CREB5: variants seen among roughly 807,000 people sequenced by gnomAD.
CREB5 encodes the protein cAMP responsive element binding protein 5, also known as cyclic AMP-responsive element-binding protein 5.
In CREB5, 19 loss-of-function variants were observed where a neutral mutation model predicts 57.1. The observed-to-expected ratio is 0.33, with a 90% CI of 0.23 to 0.49. CREB5 has a LOEUF of 0.49. CREB5 is among the 20% of genes least tolerant of loss of function. CREB5 has a pLI of 0.99. For synonymous variants in CREB5, 238 were observed against 238.3 expected (o/e 1.00, Z 0.01); for missense variants, 579 against 671.6 (o/e 0.86, Z 1.52).
chr7:28,622,229 A>T (rs1224845272), intron 5 of CREB5, among the ~76,000 whole-genome samples: 1 of 150,270 alleles, frequency 6.7e-6, no homozygotes, highest in Non-Finnish European at 1.5e-5. Flanking sequence ...GAATTCTTAC[A>T]CATATACACA....
chr7:28,704,527 T>G (rs1802012698), intron 5 of CREB5, among the ~76,000 whole-genome samples: 1 of 152,070 alleles, frequency 6.6e-6, no homozygotes, highest in South Asian at 2.1e-4. Flanking sequence ...GACACGATCA[T>G]AGCTCACTGT....
At chr7:28,739,110 G>A (rs907730472) in intron 7 of CREB5, among the ~76,000 whole-genome samples, 3 of 152,212 alleles carry the variant, frequency 2.0e-5, no homozygotes, top group African/African-American at 7.2e-5. Context: ...TGATGGCTGG[G>A]AGGTGTCTAG....
intron 4 of CREB5, among the ~76,000 whole-genome samples, chr7:28,567,765 A>C (rs1406648485): frequency 1.3e-5 from 2 of 152,296 alleles, no homozygotes; most frequent in East Asian, 3.9e-4. Context: ...CATGGTTAGT[A>C]CGAGGGTAGG....
chr7:28,422,596 A>G (rs1170782792), intron 1 of CREB5, among the ~76,000 whole-genome samples: 2 of 152,228 alleles, frequency 1.3e-5, no homozygotes, highest in Non-Finnish European at 2.9e-5. Flanking sequence ...TCTGGGCTCA[A>G]TAATGATGCT....
At position 28,560,857 on chromosome 7, in the gene CREB5, T is replaced by TGCGTGCGCGTGCGCGCGC. The variant is rs1795109660; in HGVS notation, c.292-9503_292-9502insCGCGTGCGCGCGCGCGTG. On this transcript the variant is annotated intron_variant, in intron 4 of 10. Transcript: ENST00000357727. ...GCGTGTGTGTGTGCGCGTGTGTGTGTGCGTGTGCCTGCGTGCGCGTGCGTG... is the reference window on the plus strand; with the variant it reads ...GCGTGTGTGTGTGCGCGTGTGTGTGTGCGTGCGCGTGCGCGCGCGCGTGTGCCTGCGTGCGCGTGCGTG... 7.8e-5 allele frequency among the ~76,000 whole-genome samples: 4 copies of TGCGTGCGCGTGCGCGCGC among 51,018 alleles called. 1 individual carries two copies. The highest frequency in any genetic ancestry group is 1.8e-4 in the Non-Finnish European group (4 of 22,402). 33.5% of individuals were successfully genotyped at this position (51,018 alleles called of 152,430 possible). A position where few individuals can be genotyped will look rare whatever the true frequency, so the allele number is the denominator to read the frequency against.
intron 1 of CREB5, among the ~76,000 whole-genome samples, chr7:28,464,902 G>A (rs1410983218): frequency 6.6e-6 from 1 of 152,098 alleles, no homozygotes; most frequent in Non-Finnish European, 1.5e-5. Context: ...ACAACCCTTT[G>A]AGATAAGTTC....
At chr7:28,374,030 C>A (rs957642421) in intron 1 of CREB5, among the ~76,000 whole-genome samples, 1 of 151,914 alleles carries the variant, frequency 6.6e-6, no homozygotes, top group Non-Finnish European at 1.5e-5. Flanking sequence ...ACTGGTCAGC[C>A]TTTTTTCTTA....
chr7:28,560,999 CGTGTGCGTGTGT>C lies in CREB5; in HGVS notation c.292-9352_292-9341del, dbSNP rs1279282047. 3.5e-4 allele frequency among the ~76,000 whole-genome samples: 12 copies of C among 34,192 alleles called. 2 individuals are homozygous for C. Among genetic ancestry groups the C allele is most frequent in the Non-Finnish European group, 6.0e-4 (10 of 16,706 alleles). The allele number at this position is 34,192 out of a possible 152,430, so 22.4% of individuals were successfully genotyped here. A position where few individuals can be genotyped will look rare whatever the true frequency, so the allele number is the denominator to read the frequency against. ...GTGTGTGCGTGCGTGTGTGTGCCTGCGTGTGCGTGTGTGTGTGCGTGTGTGCGTGTGTGTGTG... is the reference window on the plus strand; with the variant it reads ...GTGTGTGCGTGCGTGTGTGTGCCTGCGTGTGCGTGTGTGCGTGTGTGTGTG... On this transcript the variant is annotated intron_variant, in intron 4 of 10. Transcript: ENST00000357727.
intron 7 of CREB5, among the ~76,000 whole-genome samples, chr7:28,771,646 A>C (rs1179575928): frequency 1.3e-5 from 2 of 152,128 alleles, no homozygotes; most frequent in African/African-American, 4.8e-5. Flanking sequence ...TACCCCTTCC[A>C]GAAACTTCTA....
intron 7 of CREB5, among the ~76,000 whole-genome samples, chr7:28,794,752 A>G (rs1054917276): frequency 1.4e-4 from 21 of 152,114 alleles, no homozygotes; most frequent in African/African-American, 5.1e-4. Flanking sequence ...ACACACACAC[A>G]CACACTCTGT....
chr7:28,472,230 T>G (rs918561740), intron 1 of CREB5, among the ~76,000 whole-genome samples: 1 of 152,156 alleles, frequency 6.6e-6, no homozygotes, highest in Non-Finnish European at 1.5e-5. Context: ...CATCTTGTTT[T>G]CAAGGTGAAT....
chr7:28,788,765 T>A (rs1255447657), intron 7 of CREB5, among the ~76,000 whole-genome samples: 1 of 151,406 alleles, frequency 6.6e-6, no homozygotes, highest in African/African-American at 2.4e-5. Context: ...GTAGAAGGAA[T>A]CTTTGGGAGG....
chr7:28,529,435 T>G lies in CREB5; in HGVS notation c.291+21698T>G, dbSNP rs190643768. Among the ~76,000 whole-genome samples, 63 of 152,294 alleles carry G rather than the reference T, an allele frequency of 4.1e-4. No homozygotes were observed. In the Middle Eastern group the frequency reaches 0.017, roughly 41 times the overall value. On this transcript the variant is annotated intron_variant, in intron 4 of 10. Transcript: ENST00000357727. ...AAGAAAATCACAGATGTCCCAAGTT[T>G]CCACAATTTTATCAAAAATTTTTCC...
chr7:28,331,719 C>T (rs537466403), intron 1 of CREB5, among the ~76,000 whole-genome samples: 9 of 151,850 alleles, frequency 5.9e-5, no homozygotes, highest in Non-Finnish European at 1.3e-4. Flanking sequence ...TGTGGTGGCT[C>T]GCACCTGTAA....
At chr7:28,622,587 T>G (rs1254976412) in intron 5 of CREB5, among the ~76,000 whole-genome samples, 1 of 152,242 alleles carries the variant, frequency 6.6e-6, no homozygotes, top group African/African-American at 2.4e-5. Flanking sequence ...CTTTATCTTG[T>G]TTAATCCTTA....
At chr7:28,717,694 A>G (rs1167297319) in intron 5 of CREB5, among the ~76,000 whole-genome samples, 4 of 152,322 alleles carry the variant, frequency 2.6e-5, no homozygotes, top group African/African-American at 9.6e-5. Flanking sequence ...TCTTAAGAGA[A>G]TGCATTAATT....
intron 5 of CREB5, among the ~76,000 whole-genome samples, chr7:28,585,935 C>CATAACAGATAATAACAG (rs1477753501): frequency 2.0e-5 from 3 of 152,168 alleles, no homozygotes; most frequent in African/African-American, 4.8e-5. Flanking sequence ...TACCTTTGAG[C>CATAACAGATAATAACAG]ATAACAGATA....
chr7:28,357,180 G>T (rs1786363847), intron 1 of CREB5, among the ~76,000 whole-genome samples: 1 of 152,168 alleles, frequency 6.6e-6, no homozygotes, highest in African/African-American at 2.4e-5. Context: ...GGAAGGCTGT[G>T]TTGCTGGCTT....
At chr7:28,645,801 G>T (rs1345147140) in intron 5 of CREB5, among the ~76,000 whole-genome samples, 1 of 152,118 alleles carries the variant, frequency 6.6e-6, no homozygotes, top group African/African-American at 2.4e-5. Context: ...TATTCTTTCT[G>T]GGTATATGAG....
Sources: gnomAD v4.1 joint callset for allele counts (sites outside exome capture counted in the v4.1 genomes callset) on GRCh38, gnomAD v4.1.1 for gene constraint, MANE v1.5 for transcripts, NCBI Gene and HGNC (gene_info 2026-07-23, HGNC 2026-07-21) for gene names.